Variants in SOX6 observed in about 807,000 individuals in gnomAD.
SOX6 encodes SRY-box transcription factor 6, also known as transcription factor SOX-6.
A neutral mutation model predicts 97.8 loss-of-function variants in SOX6; 11 were observed. That is an observed-to-expected ratio of 0.11 (90% CI 0.07 to 0.19). SOX6 has a LOEUF of 0.19. Ranked by LOEUF, SOX6 falls within the 10% of genes least tolerant of loss-of-function variation. The pLI is 1.00. For missense variants in SOX6, 810 were observed against 1,039.5 expected, an observed-to-expected ratio of 0.78 and a Z score of 3.04; for synonymous variants, 360 against 371.4, an observed-to-expected ratio of 0.97 and a Z score of 0.35.
intron 3 of SOX6, among the ~76,000 whole-genome samples, chr11:16,260,263 G>A (rs932245883): frequency 4.6e-5 from 7 of 152,072 alleles, no homozygotes; most frequent in African/African-American, 1.7e-4. Context: ...GCCTCCCAAA[G>A]TGCTGGGATT....
chr11:16,472,475 C>T (rs1188663920), intron 1 of SOX6, among the ~76,000 whole-genome samples: 1 of 152,178 alleles, frequency 6.6e-6, no homozygotes, highest in Non-Finnish European at 1.5e-5. Context: ...TCCTAATCCT[C>T]ACCACAATAC....
chr11:16,441,239 C>T (rs1194979687), intron 1 of SOX6, among the ~76,000 whole-genome samples: 1 of 152,084 alleles, frequency 6.6e-6, no homozygotes, highest in African/African-American at 2.4e-5. Flanking sequence ...CTGAAATCAG[C>T]CCAAGTGCAG....
At chr11:16,342,711 T>C (rs1173800127) in intron 1 of SOX6, among the ~76,000 whole-genome samples, 2 of 151,986 alleles carry the variant, frequency 1.3e-5, no homozygotes, top group African/African-American at 2.4e-5. Flanking sequence ...TAACAGCTAA[T>C]GCTAAATTTC....
intron 4 of SOX6, among the ~76,000 whole-genome samples, chr11:16,581,685 C>A (rs993263861): frequency 6.6e-6 from 1 of 151,810 alleles, no homozygotes; most frequent in Non-Finnish European, 1.5e-5. Flanking sequence ...GAATGATGGC[C>A]GGGTGTGGTG....
chr11:16,116,000 C>T (rs2134000320), intron 6 of SOX6, among the ~76,000 whole-genome samples: 1 of 152,124 alleles, frequency 6.6e-6, no homozygotes, highest in Non-Finnish European at 1.5e-5. Flanking sequence ...TCATTTTGTT[C>T]CAAGGGTTAA....
intron 3 of SOX6, among the ~76,000 whole-genome samples, chr11:16,273,747 T>C (rs1244025018): frequency 2.0e-4 from 31 of 152,008 alleles, no homozygotes; most frequent in Admixed American, 2.0e-3. Flanking sequence ...ACAAATGTTA[T>C]AGAAATTTGG....
intron 3 of SOX6, among the ~76,000 whole-genome samples, chr11:16,283,089 G>GTGTATATATATATATATATA (rs370335142): frequency 6.2e-5 from 7 of 113,710 alleles, no homozygotes; most frequent in African/African-American, 1.7e-4. Context: ...TATATAATTT[G>GTGTATATATATATATATATA]TATATATATA....
At chr11:16,254,761 G>A (rs750113086) in intron 3 of SOX6, among the ~76,000 whole-genome samples, 2 of 151,908 alleles carry the variant, frequency 1.3e-5, no homozygotes, top group African/African-American at 4.8e-5. Flanking sequence ...AATATGGGTA[G>A]GTACTAATCC....
chr11:16,497,040 G>C (rs117563748), intron 4 of SOX6, among the ~76,000 whole-genome samples: 1 of 152,092 alleles, frequency 6.6e-6, no homozygotes, highest in African/African-American at 2.4e-5. Flanking sequence ...TCTCTGACAC[G>C]CGAGTAGCCT....
rs558296424 is a variant in SOX6 at position 16,247,085 on chromosome 11, A to G, written c.446-12414T>C. Among the ~76,000 whole-genome samples the G allele has an allele frequency of 4.9e-4, 75 of 152,266 alleles. No individual in the cohort carries two copies. In the South Asian group the frequency reaches 0.015, roughly 31 times the overall value. On this transcript the variant is annotated intron_variant, in intron 3 of 15. Transcript: ENST00000683767. Reference sequence around the variant, plus strand: ...CCCATTATCCTTCCCAGCTACTGGTAATCATCATTCTACTATCTATGTCCG... The same window carrying G: ...CCCATTATCCTTCCCAGCTACTGGTGATCATCATTCTACTATCTATGTCCG...
intron 1 of SOX6, among the ~76,000 whole-genome samples, chr11:16,465,401 T>G (rs1860010382): frequency 6.6e-6 from 1 of 152,206 alleles, no homozygotes; most frequent in African/African-American, 2.4e-5. Context: ...GTGAGATCAA[T>G]CTCACCTTTA....
At chr11:16,513,568 G>A (rs1214905992) in intron 4 of SOX6, among the ~76,000 whole-genome samples, 1 of 152,226 alleles carries the variant, frequency 6.6e-6, no homozygotes, top group Admixed American at 6.5e-5. Flanking sequence ...GGGAGGCGGA[G>A]GTTGCAGTGA....
At chr11:16,666,132 T>G (rs1847805416) in intron 3 of SOX6, among the ~76,000 whole-genome samples, 1 of 152,030 alleles carries the variant, frequency 6.6e-6, no homozygotes, top group Non-Finnish European at 1.5e-5. Flanking sequence ...AATACTTAAC[T>G]CCTCAGTGCC....
At chr11:16,598,029 G>A (rs1331866801) in intron 4 of SOX6, among the ~76,000 whole-genome samples, 1 of 152,036 alleles carries the variant, frequency 6.6e-6, no homozygotes, top group Non-Finnish European at 1.5e-5. Context: ...CAATTATGTA[G>A]TAAAGCTGGA....
At chr11:16,253,530 C>G (rs1853583261) in intron 3 of SOX6, among the ~76,000 whole-genome samples, 1 of 151,774 alleles carries the variant, frequency 6.6e-6, no homozygotes, top group Admixed American at 6.6e-5. Context: ...AGACATAAAT[C>G]TAAGAAATAA....
chr11:16,470,827 G>A (rs1860129169), intron 1 of SOX6, among the ~76,000 whole-genome samples: 1 of 152,066 alleles, frequency 6.6e-6, no homozygotes, highest in African/African-American at 2.4e-5. Flanking sequence ...ATGAAATTCA[G>A]CCAATTAAAT....
intron 1 of SOX6, among the ~76,000 whole-genome samples, chr11:16,432,621 C>G (rs1565144005): frequency 6.6e-6 from 1 of 151,936 alleles, no homozygotes; most frequent in Non-Finnish European, 1.5e-5. Context: ...CAGTGGGTCT[C>G]AATATTTGTG....
chr11:16,021,616 G>A lies in SOX6; in HGVS notation c.1624-6566C>T, dbSNP rs371672778. On this transcript the variant is annotated intron_variant, in intron 12 of 15. Transcript: ENST00000683767. ...TAGAGTAAGTAATCATGATAATATA[G>A]ACTTTGGCTGGAGGAAATGAGGTTC... Among the ~76,000 whole-genome samples the A allele has an allele frequency of 8.5e-5, 13 of 152,114 alleles. No homozygotes were observed. The East Asian group carries it at 2.1e-3, about 25-fold the overall frequency.
rs1033124952 is a variant in SOX6, at chr11:16,641,426, T to G, written n.430-29166A>C. Among the ~76,000 whole-genome samples the G allele has an allele frequency of 7.2e-5, 11 of 152,308 alleles. 1 individual carries two copies. The Middle Eastern group carries it at 0.01, about 141-fold the overall frequency. On this transcript the variant is annotated intron_variant and non_coding_transcript_variant, in intron 3 of 5. Coordinates refer to the SOX6 transcript ENST00000524520. ...TTCTGTAGATGTCTATTAGGTCCAC[T>G]TGGTGCAGAGCTGAGTTCAATTCCT...
Sources: gnomAD v4.1 joint callset for allele counts (sites outside exome capture counted in the v4.1 genomes callset) on GRCh38, gnomAD v4.1.1 for gene constraint, MANE v1.5 for transcripts, NCBI Gene and HGNC (gene_info 2026-07-23, HGNC 2026-07-21) for gene names.